TMCC1: variants seen among roughly 807,000 people sequenced by gnomAD.
TMCC1 encodes transmembrane and coiled-coil domain family 1.
Under a neutral mutation model 52.4 loss-of-function variants are expected in TMCC1, and 15 were observed. The observed-to-expected ratio is 0.29, with a 90% CI of 0.19 to 0.44. The LOEUF (loss-of-function observed/expected upper bound fraction) is 0.44, where lower values mean the gene tolerates loss of function less well. Ranked by LOEUF, TMCC1 falls within the 20% of genes least tolerant of loss-of-function variation. TMCC1 has a pLI of 1.00. For missense variants in TMCC1, 503 were observed against 806.0 expected (o/e 0.62, Z 4.55); for synonymous variants, 279 against 301.9 (o/e 0.92, Z 0.79).
intron 4 of TMCC1, among the ~76,000 whole-genome samples, chr3:129,727,419 G>A (rs1434080013): frequency 1.3e-5 from 2 of 151,954 alleles, no homozygotes; most frequent in African/African-American, 4.8e-5. Context: ...AAACTGATTA[G>A]GTACACAAAG....
At chr3:129,772,321 ATAGAGTGGAGAG>A (rs547539918) in intron 4 of TMCC1, among the ~76,000 whole-genome samples, 191 of 152,248 alleles carry the variant, frequency 1.3e-3, no homozygotes, top group Admixed American at 3.6e-3. Flanking sequence ...AGTCTGGGCG[ATAGAGTGGAGAG>A]TGTGTCTCAA....
rs576503265 is a variant in TMCC1, at chr3:129,814,962, T to C, written c.576+12841A>G. ...CTGATAGACTGTAATACAATACTAG[T>C]AGAGAAAGTCAGCACCTCATTCTCA... is the stretch of plus-strand genomic sequence containing the variant. On this transcript the variant is annotated intron_variant, in intron 4 of 6. Transcript: ENST00000393238. Among the ~76,000 whole-genome samples, 7 of 152,220 alleles carry C rather than the reference T, an allele frequency of 4.6e-5. No homozygotes were observed. In the South Asian group the frequency reaches 1.4e-3, roughly 32 times the overall value.
intron 4 of TMCC1, among the ~76,000 whole-genome samples, chr3:129,710,671 C>T (rs139661747): frequency 2.1e-3 from 325 of 152,158 alleles, no homozygotes; most frequent in African/African-American, 7.2e-3. Flanking sequence ...TTATGCTAAA[C>T]GCAAAAAACA....
chr3:129,718,824 T>C (rs897627693), intron 4 of TMCC1, among the ~76,000 whole-genome samples: 1 of 152,208 alleles, frequency 6.6e-6, no homozygotes, highest in Non-Finnish European at 1.5e-5. Flanking sequence ...ATAATACATA[T>C]AATATATAAA....
chr3:129,878,170 G>T (rs980492875), intron 2 of TMCC1, among the ~76,000 whole-genome samples: 1 of 150,632 alleles, frequency 6.6e-6, no homozygotes, highest in East Asian at 2.0e-4. Context: ...CACGACATTC[G>T]CCAGGCTGGT....
In TMCC1 at chr3:129,671,257, CG is replaced by C; in HGVS notation, c.583del (p.Arg195GlyfsTer4). 1 of 1,607,898 alleles carries C rather than the reference CG, an allele frequency of 6.2e-7. No individual in the cohort carries two copies. On this transcript the variant is annotated frameshift_variant, in exon 5 of 7. Coordinates refer to ENST00000393238, the MANE Select transcript of TMCC1 (RefSeq NM_001017395.5). LOFTEE classifies it high-confidence loss of function. ...GEEGTAERIE[R>X]LEVSSLAQTS... is the part of the protein sequence containing the mutation. ...TTGGGCAAGGCTGCTTACTTCCAAC[CG>C]TTCGATCTAGTGTAAAAACAAGAGG...
At chr3:129,706,314 G>A (rs1273553626) in intron 4 of TMCC1, among the ~76,000 whole-genome samples, 3 of 148,190 alleles carry the variant, frequency 2.0e-5, no homozygotes, top group East Asian at 4.0e-4. Context: ...CAAGTGATTC[G>A]CCTGCCTCAG....
chr3:129,699,142 G>A (rs1576490117), intron 4 of TMCC1, among the ~76,000 whole-genome samples: 1 of 152,154 alleles, frequency 6.6e-6, no homozygotes, highest in Non-Finnish European at 1.5e-5. Context: ...GAGTATCAGA[G>A]GCTTTTGAAT....
intron 5 of TMCC1, among the ~76,000 whole-genome samples, chr3:129,658,658 G>T (rs1259803684): frequency 6.6e-6 from 1 of 152,198 alleles, no homozygotes; most frequent in African/African-American, 2.4e-5. Context: ...CATGAGGCAA[G>T]AAAGAGGTGA....
chr3:129,790,352 C>T (rs1020402557), intron 4 of TMCC1, among the ~76,000 whole-genome samples: 6 of 152,018 alleles, frequency 3.9e-5, no homozygotes, highest in African/African-American at 7.3e-5. Context: ...TATTTGTTTA[C>T]GTATGTACAA....
In TMCC1 at chr3:129,678,410, G is replaced by C. The variant is rs2088661230; in HGVS notation, c.577-7146C>G. Among the ~76,000 whole-genome samples, 4 of 142,388 alleles carry C rather than the reference G, an allele frequency of 2.8e-5. No individual in the cohort carries two copies. In the South Asian group the frequency reaches 6.6e-4, roughly 23 times the overall value. The allele number at this position is 142,388 out of a possible 152,430, so 93.4% of individuals were successfully genotyped here. A position where few individuals can be genotyped will look rare whatever the true frequency, so the allele number is the denominator to read the frequency against. ...GCGTCTCACTCTGTTGCCCAGGCTG[G>C]AGTGCAGTGGCATAATCTCGGCTCA... is the stretch of plus-strand genomic sequence containing the variant. On this transcript the variant is annotated intron_variant, in intron 4 of 6. Coordinates refer to ENST00000393238, the MANE Select transcript of TMCC1 (RefSeq NM_001017395.5).
Position 129,755,701 on chromosome 3 carries a change from A to T in TMCC1, c.576+72102T>A, listed in dbSNP as rs1484692477. On this transcript the variant is annotated intron_variant, in intron 4 of 6. Coordinates refer to ENST00000393238, the MANE Select transcript of TMCC1 (RefSeq NM_001017395.5). The stretch of plus-strand genomic sequence containing the variant: ...TTAAAACCCCTAGATAGCATTACAC[A>T]CACATTAGAATACCCAAAATCCAGA... 2.0e-5 allele frequency among the ~76,000 whole-genome samples: 3 copies of T among 152,242 alleles called. No individual in the cohort carries two copies. The South Asian group carries it at 6.2e-4, about 32-fold the overall frequency.
chr3:129,869,769 G>C (rs1375906518), intron 2 of TMCC1, among the ~76,000 whole-genome samples: 1 of 152,192 alleles, frequency 6.6e-6, no homozygotes, highest in Admixed American at 6.5e-5. Flanking sequence ...ACCCAAAAAT[G>C]TAAGCAATGC....
At chr3:129,855,707 T>TA (rs1234705562) in intron 2 of TMCC1, among the ~76,000 whole-genome samples, 2 of 152,344 alleles carry the variant, frequency 1.3e-5, no homozygotes, top group Admixed American at 6.5e-5. Context: ...GTGACTATTC[T>TA]AAAGCCTGAG....
intron 5 of TMCC1, among the ~76,000 whole-genome samples, chr3:129,662,303 G>T (rs1290766374): frequency 6.6e-6 from 1 of 152,102 alleles, no homozygotes; most frequent in Non-Finnish European, 1.5e-5. Flanking sequence ...ACCATACAGT[G>T]TACTTACACA....
At chr3:129,775,058 G>A (rs1308144440) in intron 4 of TMCC1, among the ~76,000 whole-genome samples, 1 of 152,178 alleles carries the variant, frequency 6.6e-6, no homozygotes. Flanking sequence ...TGGGGACAGA[G>A]ACAAGAGTAC....
chr3:129,867,416 C>T (rs951658840), intron 2 of TMCC1, among the ~76,000 whole-genome samples: 1 of 152,204 alleles, frequency 6.6e-6, no homozygotes, highest in Non-Finnish European at 1.5e-5. Context: ...CTTTATATTT[C>T]CATAATACAA....
In TMCC1 at chr3:129,833,567, C is replaced by T. The variant is rs541745510; in HGVS notation, c.-183-741G>A. Reference sequence around the variant, plus strand: ...CCTGGGAGCAAAAGCGAGACCCTGTCTCAATTTTAAAACAACAACAACAAG... The same window carrying T: ...CCTGGGAGCAAAAGCGAGACCCTGTTTCAATTTTAAAACAACAACAACAAG... On this transcript the variant is annotated intron_variant, in intron 2 of 6. Coordinates refer to ENST00000393238, the MANE Select transcript of TMCC1 (RefSeq NM_001017395.5). Among the ~76,000 whole-genome samples the T allele has an allele frequency of 1.9e-4, 29 of 152,144 alleles. No individual in the cohort carries two copies. The South Asian group carries it at 5.2e-3, about 27-fold the overall frequency.
At chr3:129,712,283 C>G (rs1452752073) in intron 4 of TMCC1, among the ~76,000 whole-genome samples, 1 of 152,180 alleles carries the variant, frequency 6.6e-6, no homozygotes, top group Non-Finnish European at 1.5e-5. Context: ...TTTTGCAATA[C>G]ATGAGCTGTT....
Sources: gnomAD v4.1 joint callset for allele counts (sites outside exome capture counted in the v4.1 genomes callset) on GRCh38, gnomAD v4.1.1 for gene constraint, MANE v1.5 for transcripts, NCBI Gene and HGNC (gene_info 2026-07-23, HGNC 2026-07-21) for gene names.